Variants in MPP4 observed in about 807,000 individuals in gnomAD.
MPP4 encodes MAGUK p55 subfamily member 4.
MPP4 carries 91 observed loss-of-function variants against 98.3 expected under a neutral mutation model. That is an observed-to-expected ratio of 0.93 (90% CI 0.78 to 1.10). The LOEUF (loss-of-function observed/expected upper bound fraction) is 1.10. Among genes scored for constraint, MPP4 ranks in the 50% least tolerant of loss-of-function variants. The pLI is 0.00. For synonymous variants in MPP4, 261 were observed against 271.8 expected, an observed-to-expected ratio of 0.96 and a Z score of 0.39; for missense variants, 744 against 792.9, an observed-to-expected ratio of 0.94 and a Z score of 0.74.
At position 201,654,879 on chromosome 2, in the gene MPP4, G is replaced by A. The variant is rs761798134; in HGVS notation, c.1339C>T (p.Leu447Phe). 5.0e-6 allele frequency: 8 copies of A among 1,605,754 alleles called. No individual in the cohort carries two copies. In the East Asian group the frequency reaches 8.9e-5, roughly 18 times the overall value. ...AAATGGCTGGGATTAAATTCAATAA[G>A]TTGTCTTCTGAGCTCATTTACTCCA... Reference protein sequence around the residue: ...GVGVNELRRQLIEFNPSHFQS... With the variant: ...GVGVNELRRQFIEFNPSHFQS... Residue 447 changes from leucine to phenylalanine, a missense_variant, in exon 18 of 22, where the codon CTT becomes TTT. By Grantham distance (22) the Leu-to-Phe change is conservative. Coordinates refer to ENST00000409474, the MANE Select transcript of MPP4 (RefSeq NM_033066.3).
At chr2:201,688,563 G>A (rs777051825) in intron 4 of MPP4, among the ~76,000 whole-genome samples, 23 of 152,142 alleles carry the variant, frequency 1.5e-4, no homozygotes, top group Non-Finnish European at 3.1e-4. Flanking sequence ...CATAAGGAAT[G>A]GCGAGTGCAA....
At position 201,651,214 on chromosome 2, in the gene MPP4, A is replaced by G. The variant is rs1687704568; in HGVS notation, c.1382-1049T>C. 5.1e-6 allele frequency: 5 copies of G among 985,372 alleles called. No homozygotes were observed. The African/African-American group carries it at 8.7e-5, about 17-fold the overall frequency. 61.0% of individuals were successfully genotyped at this position (985,372 alleles called of 1,614,324 possible). ...ACATGGAAATGATCAAGTAGAAGCT[A>G]GAAACCGGCCTTAAATTATCAAAGG... On this transcript the variant is annotated intron_variant, in intron 18 of 21. Transcript: ENST00000409474.
chr2:201,680,793 T>C (rs778818069), intron 10 of MPP4, 45 bp downstream of exon 10: 1 of 1,538,478 alleles, frequency 6.5e-7, no homozygotes, highest in Non-Finnish European at 8.8e-7. Context: ...ACATTTTGTT[T>C]CCTGATGGTT....
chr2:201,670,875 G>A, intron 11 of MPP4, among the ~76,000 whole-genome samples: 1 of 152,190 alleles, frequency 6.6e-6, no homozygotes, highest in Non-Finnish European at 1.5e-5. Context: ...ATCTCACTGG[G>A]ACTGGCTAGA....
intron 10 of MPP4, among the ~76,000 whole-genome samples, chr2:201,678,167 C>T (rs1328899862): frequency 5.6e-5 from 8 of 142,466 alleles, no homozygotes; most frequent in Admixed American, 2.0e-4. Flanking sequence ...TGTTTGTGTG[C>T]CCCCCCAAGA....
At chr2:201,657,716 C>T (rs542274656) in intron 16 of MPP4, among the ~76,000 whole-genome samples, 18 of 151,228 alleles carry the variant, frequency 1.2e-4, no homozygotes, top group Admixed American at 1.3e-4. Flanking sequence ...CTAGATGAGG[C>T]GGGCATCTTT....
At chr2:201,671,806 C>G (rs150812471) in intron 11 of MPP4, among the ~76,000 whole-genome samples, 22 of 152,184 alleles carry the variant, frequency 1.4e-4, no homozygotes, top group African/African-American at 5.1e-4. Context: ...ATAGGGGAAG[C>G]CTTTAACAAC....
chr2:201,675,319 CTT>C (rs767357270), intron 10 of MPP4, 48 bp from the exon 11 acceptor site: 1 of 1,542,232 alleles, frequency 6.5e-7, no homozygotes, highest in South Asian at 1.2e-5. Flanking sequence ...AAAAACCACT[CTT>C]TGTTAACCTA....
intron 18 of MPP4, chr2:201,650,576 G>GGT: frequency 1.0e-6 from 1 of 985,290 alleles, no homozygotes; most frequent in East Asian, 1.1e-4. Flanking sequence ...TCTTACCTTA[G>GGT]GTAAACTGTT....
chr2:201,673,534 C>T (rs565030549), intron 11 of MPP4: 89 of 207,010 alleles, frequency 4.3e-4, no homozygotes, highest in Non-Finnish European at 5.3e-4. Context: ...CAAACCTGCA[C>T]GTTCTGCACA....
Position 201,693,999 on chromosome 2 carries a change from G to A in MPP4, c.-45C>T. On this transcript the variant is annotated 5_prime_UTR_variant, in exon 2 of 22. Coordinates refer to ENST00000409474, the MANE Select transcript of MPP4 (RefSeq NM_033066.3). ...GAAAGGAATTCAGGACTAGGAAGCG[G>A]GTCAATACACGGCACACAGCTCACT... The A allele has an allele frequency of 6.2e-7, 1 of 1,613,728 alleles. No individual in the cohort carries two copies. Among genetic ancestry groups the A allele is most frequent in the Non-Finnish European group, 8.5e-7 (1 of 1,179,768 alleles).
intron 1 of MPP4, among the ~76,000 whole-genome samples, chr2:201,694,608 C>CTTTTTTTTTTT (rs777556505): frequency 1.1e-4 from 9 of 78,902 alleles, no homozygotes; most frequent in African/African-American, 1.6e-4. Flanking sequence ...TTCTTTTTCC[C>CTTTTTTTTTTT]TTTTTTTTTT....
At chr2:201,648,967 G>A (rs1687643362) in intron 20 of MPP4, among the ~76,000 whole-genome samples, 1 of 152,120 alleles carries the variant, frequency 6.6e-6, no homozygotes, top group African/African-American at 2.4e-5. Flanking sequence ...GGGAGGCTGA[G>A]GCACGAGAAT....
At position 201,658,486 on chromosome 2, in the gene MPP4, ACTT is replaced by A. The variant is rs1433679385; in HGVS notation, c.1117_1119del (p.Lys373del). 4 of 1,612,972 alleles carry A rather than the reference ACTT, an allele frequency of 2.5e-6. No homozygotes were observed. The highest frequency in any genetic ancestry group is 2.5e-6 in the Non-Finnish European group (3 of 1,179,556). On this transcript the variant is annotated inframe_deletion, in exon 16 of 22. Coordinates refer to ENST00000409474, the MANE Select transcript of MPP4 (RefSeq NM_033066.3). The stretch of plus-strand genomic sequence containing the variant: ...TTAATTTATCACCTACCTATAAAGA[ACTT>A]CTGACCGTAGCCAACAAACTCCTCC...
At chr2:201,687,214 C>T (rs1019026383) in intron 5 of MPP4, 77 bp downstream of exon 5, 9 of 1,179,326 alleles carry the variant, frequency 7.6e-6, no homozygotes, top group African/African-American at 3.1e-5. Flanking sequence ...GAACATTTTC[C>T]ATCACATATA....
Position 201,645,352 on chromosome 2 carries a change from A to G in MPP4, c.1772T>C (p.Phe591Ser). 6.2e-7 allele frequency: 1 copy of G among 1,613,986 alleles called. No homozygotes were observed. The highest frequency in any genetic ancestry group is 1.1e-5 in the South Asian group (1 of 91,086). ...AATCACATGATCAAAAAATTGGCCA[A>G]ACTGAGTTTCCATTCTTTGGGCTAA... Reference protein sequence around the residue: ...ENLAQRMETQFGQFFDHVIVN... With the variant: ...ENLAQRMETQSGQFFDHVIVN... Residue 591 changes from phenylalanine (F) to serine (S), a missense_variant, in exon 22 of 22, where the codon TTT becomes TCT. Physicochemically the swap from Phe to Ser is radical, Grantham distance 155. Transcript: ENST00000409474.
At chr2:201,677,853 G>A (rs1439282600) in intron 10 of MPP4, among the ~76,000 whole-genome samples, 1 of 152,178 alleles carries the variant, frequency 6.6e-6, no homozygotes, top group South Asian at 2.1e-4. Flanking sequence ...CATTTATTGA[G>A]GCTCAGAGAT....
At chr2:201,668,477 C>CCTCT (rs1553493948) in intron 12 of MPP4, among the ~76,000 whole-genome samples, 51 of 146,830 alleles carry the variant, frequency 3.5e-4, no homozygotes, top group African/African-American at 1.3e-3. Context: ...CTCTTCTCTT[C>CCTCT]CTCTCTCTCT....
At chr2:201,666,750 A>C (rs1411221135) in intron 12 of MPP4, 5 of 134,154 alleles carry the variant, frequency 3.7e-5, no homozygotes, top group Admixed American at 3.7e-4. Context: ...ATAAATAAAA[A>C]TAAATAAAAA....
Sources: gnomAD v4.1 joint callset for allele counts (sites outside exome capture counted in the v4.1 genomes callset) on GRCh38, gnomAD v4.1.1 for gene constraint, MANE v1.5 for transcripts, NCBI Gene and HGNC (gene_info 2026-07-23, HGNC 2026-07-21) for gene names.